The following EPHA3 variants were observed in gnomAD, a reference collection of about 807,000 sequenced individuals.
EPHA3 encodes EPH receptor A3, also known as ephrin type-A receptor 3.
EPHA3 carries 42 observed loss-of-function variants against 107.1 expected under a neutral mutation model. The observed-to-expected ratio is 0.39, with a 90% CI of 0.31 to 0.51. EPHA3 has a LOEUF of 0.51. EPHA3 is among the 20% of genes least tolerant of loss of function. The pLI is 0.78. For synonymous variants in EPHA3, 461 were observed against 424.8 expected, an observed-to-expected ratio of 1.09 and a Z score of -1.05; for missense variants, 1,183 against 1,211.2, an observed-to-expected ratio of 0.98 and a Z score of 0.35.
chr3:89,468,955 A>C (rs1224146613), intron 15 of EPHA3, among the ~76,000 whole-genome samples: 1 of 152,164 alleles, frequency 6.6e-6, no homozygotes, highest in Non-Finnish European at 1.5e-5. Context: ...AAAAATCATA[A>C]AGTCGTTTGC....
At chr3:89,358,390 G>T (rs1559663004) in intron 5 of EPHA3, among the ~76,000 whole-genome samples, 1 of 150,962 alleles carries the variant, frequency 6.6e-6, no homozygotes, top group African/African-American at 2.4e-5. Flanking sequence ...GTTTTCTTTG[G>T]CAATAAATAA....
chr3:89,286,120 G>A (rs13076280), intron 3 of EPHA3, among the ~76,000 whole-genome samples: 1 of 12,162 alleles, frequency 8.2e-5, no homozygotes, highest in African/African-American at 6.6e-4. Flanking sequence ...CAATTTCTAC[G>A]TGTGTGTGTG....
intron 2 of EPHA3, among the ~76,000 whole-genome samples, chr3:89,176,606 T>A (rs1705325427): frequency 1.3e-5 from 2 of 151,740 alleles, no homozygotes; most frequent in Non-Finnish European, 2.9e-5. Context: ...AGAATGAGAG[T>A]AATAATACAT....
rs76059291 is a variant in EPHA3 at position 89,283,631 on chromosome 3, G to C, written c.815-57285G>C. Among the ~76,000 whole-genome samples the C allele has an allele frequency of 8.5e-3, 1,287 of 152,066 alleles. 28 individuals carry two copies. The East Asian group carries it at 0.095, about 11-fold the overall frequency. The stretch of plus-strand genomic sequence containing the variant: ...CAGAAGCAAAGTAACTGAAGGACAG[G>C]CCAAATTAGGTCAAAAAGAGAACCC... On this transcript the variant is annotated intron_variant, in intron 3 of 16. Transcript: ENST00000336596.
chr3:89,394,362 T>C (rs1212362536), intron 5 of EPHA3, among the ~76,000 whole-genome samples: 1 of 152,120 alleles, frequency 6.6e-6, no homozygotes, highest in African/African-American at 2.4e-5. Context: ...CACTACACTC[T>C]AGCCTGGAAA....
Position 89,191,297 on chromosome 3 carries a change from T to A in EPHA3, c.154-18563T>A, listed in dbSNP as rs189587028. 8.5e-3 allele frequency among the ~76,000 whole-genome samples: 1,297 copies of A among 151,696 alleles called. 8 individuals carry two copies. Among genetic ancestry groups the A allele is most frequent in the Non-Finnish European group, 0.013 (877 of 67,876 alleles). On this transcript the variant is annotated intron_variant, in intron 2 of 16. Transcript: ENST00000336596. ...TATTATATTTTTATTTTTATTTTTT[T>A]AATTTTTTTTATTTTTTTATTTTTT... is the stretch of plus-strand genomic sequence containing the variant.
At chr3:89,219,382 C>T (rs890718986) in intron 3 of EPHA3, among the ~76,000 whole-genome samples, 3 of 152,050 alleles carry the variant, frequency 2.0e-5, no homozygotes, top group African/African-American at 4.8e-5. Context: ...AGGCTGGTCT[C>T]AAACTCTCCA....
chr3:89,398,935 G>T (rs1708901227), intron 6 of EPHA3, among the ~76,000 whole-genome samples: 1 of 152,118 alleles, frequency 6.6e-6, no homozygotes, highest in Admixed American at 6.5e-5. Context: ...TTCAAGACCA[G>T]CCTGGCCAAC....
intron 2 of EPHA3, among the ~76,000 whole-genome samples, chr3:89,203,365 A>G (rs1337631264): frequency 2.0e-5 from 3 of 151,528 alleles, no homozygotes; most frequent in Admixed American, 6.6e-5. Context: ...AAAAAATTAC[A>G]TAAAGGAATT....
intron 13 of EPHA3, among the ~76,000 whole-genome samples, chr3:89,448,622 C>T (rs1401849329): frequency 6.6e-6 from 1 of 152,006 alleles, no homozygotes; most frequent in Non-Finnish European, 1.5e-5. Flanking sequence ...TGGTGCTTGC[C>T]TACTATCCAG....
intron 2 of EPHA3, among the ~76,000 whole-genome samples, chr3:89,162,469 G>A (rs936488407): frequency 7.2e-5 from 11 of 152,162 alleles, no homozygotes; most frequent in Admixed American, 5.2e-4. Flanking sequence ...TTTCTAAAAT[G>A]TTCCTTCACT....
rs1704116548 is a variant in EPHA3, at chr3:89,127,366, G to A, written c.153+93G>A. 6.2e-6 allele frequency: 6 copies of A among 961,692 alleles called. No individual in the cohort carries two copies. In the Admixed American group the frequency reaches 1.1e-4, roughly 17 times the overall value. 59.6% of individuals were successfully genotyped at this position (961,692 alleles called of 1,614,324 possible). A position where few individuals can be genotyped will look rare whatever the true frequency, so the allele number is the denominator to read the frequency against. On this transcript the variant is annotated intron_variant, in intron 2 of 16. Transcript: ENST00000336596. ...ATTGTATTCTCTAAAGAGAACTCTT[G>A]TACTTCTGGTGACAAATTATACTTA...
chr3:89,346,622 A>T (rs1707662524), intron 5 of EPHA3, among the ~76,000 whole-genome samples: 2 of 150,792 alleles, frequency 1.3e-5, no homozygotes, highest in African/African-American at 4.8e-5. Context: ...CTTTATTTTA[A>T]TTAGATCCCA....
At chr3:89,365,948 C>T (rs1166467788) in intron 5 of EPHA3, among the ~76,000 whole-genome samples, 4 of 150,628 alleles carry the variant, frequency 2.7e-5, no homozygotes, top group Non-Finnish European at 4.5e-5. Flanking sequence ...AGCAGAAATG[C>T]TTCTTGATTT....
chr3:89,390,648 T>C (rs1189238104), intron 5 of EPHA3, among the ~76,000 whole-genome samples: 1 of 151,550 alleles, frequency 6.6e-6, no homozygotes, highest in East Asian at 1.9e-4. Flanking sequence ...CCGTTATATA[T>C]GTCAACTAGT....
chr3:89,294,718 A>T (rs1706303030), intron 3 of EPHA3, among the ~76,000 whole-genome samples: 1 of 152,150 alleles, frequency 6.6e-6, no homozygotes. Flanking sequence ...CAGTATTTGG[A>T]CATATAGAGC....
chr3:89,280,500 T>C (rs972967999), intron 3 of EPHA3, among the ~76,000 whole-genome samples: 3 of 152,198 alleles, frequency 2.0e-5, no homozygotes, highest in South Asian at 4.1e-4. Flanking sequence ...AAGGGATGTT[T>C]CTATTCTCAT....
At chr3:89,168,606 G>C (rs1480758979) in intron 2 of EPHA3, among the ~76,000 whole-genome samples, 1 of 151,930 alleles carries the variant, frequency 6.6e-6, no homozygotes, top group Non-Finnish European at 1.5e-5. Context: ...CTAAATTAGA[G>C]TTTAGTATAT....
chr3:89,459,392 T>C (rs1710168029), intron 15 of EPHA3, among the ~76,000 whole-genome samples: 1 of 152,028 alleles, frequency 6.6e-6, no homozygotes, highest in African/African-American at 2.4e-5. Context: ...GAAATGTTTC[T>C]TCTTTCTTCT....
Sources: allele counts gnomAD v4.1 joint callset (sites outside exome capture counted in the v4.1 genomes callset), GRCh38; gene constraint gnomAD v4.1.1; transcripts MANE v1.5; gene names NCBI Gene and HGNC (gene_info 2026-07-23, HGNC 2026-07-21).